The following VAT1L variants were observed in gnomAD, a reference collection of about 807,000 sequenced individuals.
The protein encoded by VAT1L is putative NADPH-dependent quinone oxidoreductase VAT1L.
VAT1L carries 34 observed loss-of-function variants against 44.1 expected under a neutral mutation model. The ratio of observed to expected loss-of-function variants is 0.77; its 90% CI spans 0.59 to 1.03. The LOEUF (loss-of-function observed/expected upper bound fraction) is 1.03, where lower values mean the gene tolerates loss of function less well. Among genes scored for constraint, VAT1L ranks in the 50% least tolerant of loss-of-function variants. The probability of loss-of-function intolerance (pLI) is 0.00; values close to 1 mark genes in which losing one functional copy is unlikely to be tolerated. For missense variants in VAT1L, 615 were observed against 538.8 expected, an observed-to-expected ratio of 1.14 and a Z score of -1.40; for synonymous variants, 253 against 202.2, an observed-to-expected ratio of 1.25 and a Z score of -2.13.
chr16:77,819,575 G>T (rs1481069831), intron 2 of VAT1L, among the ~76,000 whole-genome samples: 2 of 152,046 alleles, frequency 1.3e-5, no homozygotes, highest in Non-Finnish European at 2.9e-5. Context: ...TAAAGACAGG[G>T]TTTCACCGTG....
chr16:77,893,344 G>A (rs548631114), intron 7 of VAT1L, among the ~76,000 whole-genome samples: 21 of 152,314 alleles, frequency 1.4e-4, no homozygotes, highest in Middle Eastern at 6.8e-3. Context: ...AGGACAAAGG[G>A]GAAGCAAGAG....
At chr16:77,880,091 C>T (rs762713628) in intron 6 of VAT1L, among the ~76,000 whole-genome samples, 2 of 152,166 alleles carry the variant, frequency 1.3e-5, no homozygotes, top group Non-Finnish European at 2.9e-5. Context: ...TGGGCATTCA[C>T]CTCACTACAA....
chr16:77,836,428 A>G (rs1295739430), intron 3 of VAT1L, among the ~76,000 whole-genome samples: 1 of 152,198 alleles, frequency 6.6e-6, no homozygotes, highest in Non-Finnish European at 1.5e-5. Context: ...TCTTTCATGA[A>G]TAATCAAAGC....
At chr16:77,892,516 A>G (rs2017278620) in intron 7 of VAT1L, 4 of 563,560 alleles carry the variant, frequency 7.1e-6, no homozygotes, top group Non-Finnish European at 1.4e-5. Context: ...TTCCAAAGAC[A>G]GCAGAAAAAT....
At chr16:77,882,075 G>C (rs545940395) in intron 6 of VAT1L, 86 of 152,350 alleles carry the variant, frequency 5.6e-4, no homozygotes, top group African/African-American at 2.0e-3. Flanking sequence ...TGGAGGTCAA[G>C]AATGAGGATG....
intron 3 of VAT1L, among the ~76,000 whole-genome samples, chr16:77,828,955 A>C (rs1257061532): frequency 2.0e-5 from 3 of 152,170 alleles, no homozygotes; most frequent in African/African-American, 7.2e-5. Context: ...AGTTTGTGTT[A>C]ATTTGTTGCC....
intron 3 of VAT1L, among the ~76,000 whole-genome samples, chr16:77,855,211 G>A (rs542449835): frequency 5.3e-5 from 8 of 152,016 alleles, no homozygotes; most frequent in South Asian, 2.1e-4. Context: ...ATGGTGCCAC[G>A]TGCCTGCAGT....
At chr16:77,970,051 T>TA (rs36120858) in intron 7 of VAT1L, among the ~76,000 whole-genome samples, 23,159 of 86,610 alleles carry the variant, frequency 0.27, 3,169 homozygotes, top group Non-Finnish European at 0.36. Context: ...ACATCTCTAC[T>TA]AAAAAAAAAA....
In VAT1L at chr16:77,825,421, A is replaced by C; in HGVS notation, c.539A>C (p.Glu180Ala). Residue 180 changes from glutamate to alanine, a missense_variant, in exon 3 of 9, where the codon GAA becomes GCA. Coordinates refer to ENST00000302536, the MANE Select transcript of VAT1L (RefSeq NM_020927.3). ...VMLFEVANLREGMSVLVHSAG... is the reference protein window; with the variant it reads ...VMLFEVANLRAGMSVLVHSAG... The stretch of plus-strand genomic sequence containing the variant: ...CTGTTTGAAGTTGCCAACCTCCGGG[A>C]AGGGATGTCTGTGCTCGTGCACTCA... 1 of 1,608,200 alleles carries C rather than the reference A, an allele frequency of 6.2e-7. No homozygotes were observed. Among genetic ancestry groups the C allele is most frequent in the Non-Finnish European group, 8.5e-7 (1 of 1,177,042 alleles).
chr16:77,806,078 G>C (rs992892704), intron 1 of VAT1L, among the ~76,000 whole-genome samples: 1 of 151,702 alleles, frequency 6.6e-6, no homozygotes, highest in African/African-American at 2.4e-5. Flanking sequence ...GGTCAAGCTG[G>C]TCTTGAACTC....
intron 7 of VAT1L, among the ~76,000 whole-genome samples, chr16:77,953,185 G>T (rs954368185): frequency 2.0e-5 from 3 of 152,170 alleles, no homozygotes; most frequent in African/African-American, 4.8e-5. Context: ...TAATGGAAAA[G>T]ATTCTTTCTC....
chr16:77,942,463 A>G (rs2017899423), intron 7 of VAT1L, among the ~76,000 whole-genome samples: 1 of 152,094 alleles, frequency 6.6e-6, no homozygotes, highest in Non-Finnish European at 1.5e-5. Context: ...ATGCGCATAC[A>G]ATTGTGAAGA....
At chr16:77,851,329 T>G (rs538943334) in intron 3 of VAT1L, among the ~76,000 whole-genome samples, 1 of 152,102 alleles carries the variant, frequency 6.6e-6, no homozygotes, top group African/African-American at 2.4e-5. Flanking sequence ...GACCATAACA[T>G]GGAATGATAC....
intron 7 of VAT1L, among the ~76,000 whole-genome samples, chr16:77,896,793 C>T (rs1434480989): frequency 6.6e-6 from 1 of 152,222 alleles, no homozygotes; most frequent in African/African-American, 2.4e-5. Context: ...GGGAGCTCAG[C>T]TCTGAATACA....
intron 8 of VAT1L, among the ~76,000 whole-genome samples, chr16:77,973,472 A>G (rs1460443400): frequency 2.0e-5 from 3 of 151,902 alleles, no homozygotes; most frequent in African/African-American, 7.3e-5. Context: ...TTTAGTAGAG[A>G]TGGGGTTTTA....
At chr16:77,939,922 T>G (rs1296610130) in intron 7 of VAT1L, among the ~76,000 whole-genome samples, 4 of 152,168 alleles carry the variant, frequency 2.6e-5, no homozygotes, top group Admixed American at 2.6e-4. Flanking sequence ...CAATGATCAA[T>G]TACAGCAAAT....
intron 3 of VAT1L, among the ~76,000 whole-genome samples, chr16:77,843,322 G>C (rs1251885963): frequency 6.6e-6 from 1 of 151,454 alleles, no homozygotes; most frequent in Admixed American, 6.6e-5. Context: ...GGGGCTGGCA[G>C]GGTGGTAAGG....
At chr16:77,871,080 T>C (rs1357354731) in intron 4 of VAT1L, among the ~76,000 whole-genome samples, 3 of 152,170 alleles carry the variant, frequency 2.0e-5, no homozygotes. Context: ...TTTGAAATTC[T>C]TACCCGAAGG....
intron 7 of VAT1L, among the ~76,000 whole-genome samples, chr16:77,940,758 C>T (rs1210636207): frequency 2.0e-5 from 3 of 152,160 alleles, no homozygotes; most frequent in African/African-American, 7.2e-5. Context: ...AATTTTCCAG[C>T]ATCACCTAAT....
Sources: gnomAD v4.1 joint callset for allele counts (sites outside exome capture counted in the v4.1 genomes callset) on GRCh38, gnomAD v4.1.1 for gene constraint, MANE v1.5 for transcripts, NCBI Gene and HGNC (gene_info 2026-07-23, HGNC 2026-07-21) for gene names.